The following AKNAD1 variants were observed in gnomAD, a reference collection of about 807,000 sequenced individuals.
The protein encoded by AKNAD1 is protein AKNAD1.
Under a neutral mutation model 90.8 loss-of-function variants are expected in AKNAD1, and 67 were observed. That is an observed-to-expected ratio of 0.74 (90% CI 0.61 to 0.90). The LOEUF (loss-of-function observed/expected upper bound fraction) is 0.90, where lower values mean the gene tolerates loss of function less well. Among genes scored for constraint, AKNAD1 ranks in the 40% least tolerant of loss-of-function variants. The probability of loss-of-function intolerance (pLI) is 0.00; values close to 1 mark genes in which losing one functional copy is unlikely to be tolerated. For synonymous variants in AKNAD1, 327 were observed against 341.4 expected (o/e 0.96, Z 0.46); for missense variants, 957 against 975.4 (o/e 0.98, Z 0.25).
In AKNAD1 at chr1:108,827,600, G is replaced by A. The variant is rs531619577; in HGVS notation, c.1839-298C>T. Among the ~76,000 whole-genome samples, 13 of 150,020 alleles carry A rather than the reference G, an allele frequency of 8.7e-5. No homozygotes were observed. In the South Asian group the frequency reaches 1.5e-3, roughly 17 times the overall value. ...GAGGCTGAGGCGGGCGGATCACGAG[G>A]TCAGGAGATCGAGACCATCCTGGCT... On this transcript the variant is annotated intron_variant, in intron 10 of 15. Transcript: ENST00000370001.
intron 14 of AKNAD1, among the ~76,000 whole-genome samples, chr1:108,819,732 C>A (rs940312830): frequency 6.7e-6 from 1 of 149,508 alleles, no homozygotes; most frequent in Admixed American, 6.8e-5. Flanking sequence ...GGCAACATAA[C>A]AAGACTCTGT....
chr1:108,816,615 T>C (rs1663616500), intron 15 of AKNAD1, among the ~76,000 whole-genome samples: 1 of 152,084 alleles, frequency 6.6e-6, no homozygotes, highest in African/African-American at 2.4e-5. Flanking sequence ...TTAGAGGCCA[T>C]TGATGGGGAT....
rs560226887 is a variant in AKNAD1 at position 108,827,114 on chromosome 1, G to A, written c.1936+91C>T. The A allele has an allele frequency of 5.6e-5, 47 of 844,152 alleles. 2 individuals carry two copies. The South Asian group carries it at 6.6e-4, about 12-fold the overall frequency. The allele number at this position is 844,152 out of a possible 1,614,324, so 52.3% of individuals were successfully genotyped here. On this transcript the variant is annotated intron_variant, in intron 11 of 15. Coordinates refer to ENST00000370001, the MANE Select transcript of AKNAD1 (RefSeq NM_152763.5). ...CCTAGTGTAGGGAAATGCTCTTGGA[G>A]TGGCAGATGGCAAGCTGGTGCCTAC...
At chr1:108,856,745 A>ACACACACACACACACACAC (rs1400694001) in intron 1 of AKNAD1, among the ~76,000 whole-genome samples, 184 bp downstream of exon 1, 3 of 151,194 alleles carry the variant, frequency 2.0e-5, no homozygotes, top group Non-Finnish European at 4.4e-5. Flanking sequence ...CACACACACA[A>ACACACACACACACACACAC]ACACACACAC....
chr1:108,852,275 A>G lies in AKNAD1; in HGVS notation c.390T>C (p.Cys130=), dbSNP rs756246741. 1 of 1,614,040 alleles carries G rather than the reference A, an allele frequency of 6.2e-7. No homozygotes were observed. Reference sequence around the variant, plus strand: ...CATTTGAGATCTCTGGGAGGGTTTCACAATCAATGCCTTGACCTCTTAAGA... The same window carrying G: ...CATTTGAGATCTCTGGGAGGGTTTCGCAATCAATGCCTTGACCTCTTAAGA... The part of the protein sequence containing the change: ...EPFLRGQGID[C]ETLPEISNAD... Residue 130 remains cysteine (C), a synonymous_variant, in exon 2 of 16, where the codon TGT becomes TGC. Coordinates refer to ENST00000370001, the MANE Select transcript of AKNAD1 (RefSeq NM_152763.5).
In AKNAD1 at chr1:108,827,590, G is replaced by A. The variant is rs562496937; in HGVS notation, c.1839-288C>T. On this transcript the variant is annotated intron_variant, in intron 10 of 15. Transcript: ENST00000370001. ...AGCACTTTGGGAGGCTGAGGCGGGC[G>A]GATCACGAGGTCAGGAGATCGAGAC... Among the ~76,000 whole-genome samples the A allele has an allele frequency of 5.7e-4, 86 of 151,300 alleles. 1 individual carries two copies. Among genetic ancestry groups the A allele is most frequent in the African/African-American group, 1.9e-3 (79 of 41,414 alleles).
At chr1:108,826,311 C>T (rs1663994284) in intron 11 of AKNAD1, among the ~76,000 whole-genome samples, 1 of 151,612 alleles carries the variant, frequency 6.6e-6, no homozygotes, top group Admixed American at 6.6e-5. Flanking sequence ...GCTGGGGAGA[C>T]AAGCTGGGTA....
chr1:108,817,087 G>C lies in AKNAD1; in HGVS notation c.2340C>G (p.Ser780=). ...CTTCAGTGCTATCAAAGTCACATAA[G>C]GATTTGCTTCCAGAAATCCTGCAGG... is the stretch of plus-strand genomic sequence containing the variant. ...FYSCRISGSK[S]LCDFDSTEEI... Residue 780 remains serine, a synonymous_variant, in exon 15 of 16, where the codon TCC becomes TCG. Transcript: ENST00000370001. 1 of 1,614,146 alleles carries C rather than the reference G, an allele frequency of 6.2e-7. No individual in the cohort carries two copies. Among genetic ancestry groups the C allele is most frequent in the Non-Finnish European group, 8.5e-7 (1 of 1,180,014 alleles).
intron 9 of AKNAD1, among the ~76,000 whole-genome samples, chr1:108,832,589 T>A (rs1217374516): frequency 6.6e-6 from 1 of 152,200 alleles, no homozygotes; most frequent in African/African-American, 2.4e-5. Context: ...TTTGATATAA[T>A]GAAGTTCTCA....
chr1:108,821,114 T>G (rs752272062), intron 13 of AKNAD1, among the ~76,000 whole-genome samples: 3 of 150,232 alleles, frequency 2.0e-5, no homozygotes, highest in Non-Finnish European at 4.5e-5. Context: ...ATAAAGAACT[T>G]TCTATGAAGT....
Position 108,816,025 on chromosome 1 carries a change from C to T in AKNAD1, c.*146G>A. On this transcript the variant is annotated 3_prime_UTR_variant, in exon 16 of 16. Transcript: ENST00000370001. ...TTCTTTTTTCTTTTTCCTTTAAGTA[C>T]TTTGTGTTACCCATTTCTTATGGTT... The T allele has an allele frequency of 6.7e-6, 5 of 742,632 alleles. No individual in the cohort carries two copies. In the South Asian group the frequency reaches 2.1e-4, roughly 31 times the overall value. 46.0% of individuals were successfully genotyped at this position (742,632 alleles called of 1,614,324 possible). A position where few individuals can be genotyped will look rare whatever the true frequency, so the allele number is the denominator to read the frequency against.
chr1:108,856,540 G>GAAA (rs71069609), intron 1 of AKNAD1, among the ~76,000 whole-genome samples: 10 of 149,072 alleles, frequency 6.7e-5, no homozygotes, highest in African/African-American at 2.5e-4. Flanking sequence ...TCTCTACAAA[G>GAAA]AAAAAAAAAA....
In AKNAD1 at chr1:108,823,381, T is replaced by A. The variant is rs541057411; in HGVS notation, c.2156A>T (p.Asn719Ile). 6.2e-7 allele frequency: 1 copy of A among 1,612,500 alleles called. No individual in the cohort carries two copies. Among genetic ancestry groups the A allele is most frequent in the East Asian group, 2.2e-5 (1 of 44,862 alleles). ...VQPHSLDESK[N>I]SSPSFLKPKR... ...GGAGATGTACTTACAGGGTGAAGAG[T>A]TTTTACTTTCATCTAAAGAATGGGG... Residue 719 changes from asparagine to isoleucine, a missense_variant, in exon 13 of 16, where the codon AAC (asparagine) becomes ATC (isoleucine). Asn to Ile is a moderately radical substitution (Grantham distance 149). Transcript: ENST00000370001.
chr1:108,830,504 T>C, intron 10 of AKNAD1, 55 bp downstream of exon 10: 2 of 1,552,180 alleles, frequency 1.3e-6, no homozygotes, highest in Non-Finnish European at 1.8e-6. Flanking sequence ...CTGGAGTTAC[T>C]ATGCCAGGAC....
At chr1:108,825,418 G>A (rs942538769) in intron 11 of AKNAD1, among the ~76,000 whole-genome samples, 1 of 151,658 alleles carries the variant, frequency 6.6e-6, no homozygotes, top group Non-Finnish European at 1.5e-5. Flanking sequence ...ATAAAATAAA[G>A]ATAATCATTC....
intron 5 of AKNAD1, 131 bp from the exon 6 acceptor site, chr1:108,843,398 A>T: frequency 8.4e-7 from 1 of 1,193,314 alleles, no homozygotes; most frequent in Non-Finnish European, 1.1e-6. Context: ...CAGCAGCATA[A>T]ATTGTTTTGT....
At chr1:108,818,061 A>C (rs1277212) in intron 14 of AKNAD1, among the ~76,000 whole-genome samples, 43,236 of 151,918 alleles carry the variant, frequency 0.28, 6,912 homozygotes, top group East Asian at 0.69. Flanking sequence ...CTGGGCTGTT[A>C]AGGTTGTGCA....
chr1:108,837,116 T>C lies in AKNAD1; in HGVS notation c.1536+434A>G, dbSNP rs141104685. The C allele has an allele frequency of 9.4e-4, 145 of 154,322 alleles. 3 individuals carry two copies. In the East Asian group the frequency reaches 0.02, roughly 21 times the overall value. The allele number at this position is 154,322 out of a possible 1,614,324, so 9.6% of individuals were successfully genotyped here. On this transcript the variant is annotated intron_variant, in intron 7 of 15. Coordinates refer to ENST00000370001, the MANE Select transcript of AKNAD1 (RefSeq NM_152763.5). ...GCAGTGGTGGCATGCACCTGTAATCTCAGCTGCTTGGGAGGCTGAGGGAGG... is the reference window on the plus strand; with the variant it reads ...GCAGTGGTGGCATGCACCTGTAATCCCAGCTGCTTGGGAGGCTGAGGGAGG...
At chr1:108,827,731 G>A (rs930408773) in intron 10 of AKNAD1, among the ~76,000 whole-genome samples, 1 of 149,574 alleles carries the variant, frequency 6.7e-6, no homozygotes, top group African/African-American at 2.5e-5. Flanking sequence ...GGAGAATGGC[G>A]GGAACCCGGG....
Sources: gnomAD v4.1 joint callset for allele counts (sites outside exome capture counted in the v4.1 genomes callset) on GRCh38, gnomAD v4.1.1 for gene constraint, MANE v1.5 for transcripts, NCBI Gene and HGNC (gene_info 2026-07-23, HGNC 2026-07-21) for gene names.